The following SUSD6 variants were observed in gnomAD, a reference collection of about 807,000 sequenced individuals.
SUSD6 encodes sushi domain containing 6, also known as sushi domain-containing protein 6.
A neutral mutation model predicts 28.4 loss-of-function variants in SUSD6; 16 were observed. The ratio of observed to expected loss-of-function variants is 0.56; its 90% confidence interval spans 0.38 to 0.86. The LOEUF is 0.86. Among genes scored for constraint, SUSD6 ranks in the 40% least tolerant of loss-of-function variants. The probability of loss-of-function intolerance (pLI) is 0.00; values close to 1 mark genes in which losing one functional copy is unlikely to be tolerated. For synonymous variants in SUSD6, 147 were observed against 159.6 expected (o/e 0.92, Z 0.59); for missense variants, 341 against 384.2 (o/e 0.89, Z 0.94).
At chr14:69,621,543 C>T (rs756844979) in intron 1 of SUSD6, among the ~76,000 whole-genome samples, 6 of 152,154 alleles carry the variant, frequency 3.9e-5, no homozygotes, top group African/African-American at 1.2e-4. Flanking sequence ...GGCTGAAGAC[C>T]AGAAAGTCAT....
intron 2 of SUSD6, among the ~76,000 whole-genome samples, chr14:69,696,412 CACCTTTGTTCTCTGTATTG>C (rs1183897488): frequency 5.9e-5 from 9 of 152,340 alleles, no homozygotes; most frequent in Admixed American, 5.9e-4. Flanking sequence ...TACATTTAAA[CACCTTTGTTCTCTGTATTG>C]ACCTTGCTTT....
At chr14:69,617,699 C>T (rs959010381) in intron 1 of SUSD6, 13 of 152,228 alleles carry the variant, frequency 8.5e-5, no homozygotes, top group Non-Finnish European at 4.4e-5. Context: ...CCATGAACCC[C>T]CAAAGCCTTC....
chr14:69,713,861 A>C lies in SUSD6; in HGVS notation c.*2882A>C, dbSNP rs1355459867. On this transcript the variant is annotated 3_prime_UTR_variant, in exon 6 of 6. Coordinates refer to ENST00000342745, the MANE Select transcript of SUSD6 (RefSeq NM_014734.4). The stretch of plus-strand genomic sequence containing the variant: ...GTTTTTTTTTTTTTTTTTTTGGCAC[A>C]CTTGAGCTGACTCAGTGCAGGTTTA... 1.5e-5 allele frequency: 2 copies of C among 136,080 alleles called. No individual in the cohort carries two copies. The highest frequency in any genetic ancestry group is 2.1e-4 in the East Asian group (1 of 4,872). The allele number at this position is 136,080 out of a possible 1,614,324, so 8.4% of individuals were successfully genotyped here.
chr14:69,685,424 A>C (rs1886058959), intron 2 of SUSD6, among the ~76,000 whole-genome samples: 1 of 152,234 alleles, frequency 6.6e-6, no homozygotes, highest in Non-Finnish European at 1.5e-5. Context: ...AGTCTTTTCC[A>C]TCAACAAAGC....
Position 69,714,136 on chromosome 14 carries a change from A to G in SUSD6, c.*3157A>G, listed in dbSNP as rs2139651946. ...CAATGTACATTCTATAAATACAAGCACTCCATTTGCAAACAGATCTTAAGC... is the reference window on the plus strand; with the variant it reads ...CAATGTACATTCTATAAATACAAGCGCTCCATTTGCAAACAGATCTTAAGC... On this transcript the variant is annotated 3_prime_UTR_variant, in exon 6 of 6. Transcript: ENST00000342745. The G allele has an allele frequency of 6.6e-6, 1 of 151,756 alleles. No homozygotes were observed. The highest frequency in any genetic ancestry group is 1.9e-4 in the East Asian group (1 of 5,174). 9.4% of individuals were successfully genotyped at this position (151,756 alleles called of 1,614,324 possible).
intron 2 of SUSD6, among the ~76,000 whole-genome samples, chr14:69,694,889 G>A (rs1162364245): frequency 6.6e-6 from 1 of 152,150 alleles, no homozygotes; most frequent in Admixed American, 6.5e-5. Context: ...CTTAGGTTGA[G>A]CCTCTCTTAG....
intron 1 of SUSD6, among the ~76,000 whole-genome samples, chr14:69,618,509 A>G (rs1205715769): frequency 6.6e-6 from 1 of 152,264 alleles, no homozygotes; most frequent in Non-Finnish European, 1.5e-5. Flanking sequence ...TATGCAGGCT[A>G]CCTAATGATT....
intron 1 of SUSD6, among the ~76,000 whole-genome samples, chr14:69,619,911 G>A (rs968406597): frequency 6.6e-6 from 1 of 152,178 alleles, no homozygotes; most frequent in Non-Finnish European, 1.5e-5. Context: ...TGGGCTTATT[G>A]TATGTGGAAT....
At chr14:69,676,378 C>CTT (rs752145702) in intron 2 of SUSD6, among the ~76,000 whole-genome samples, 2 of 143,680 alleles carry the variant, frequency 1.4e-5, no homozygotes, top group African/African-American at 2.6e-5. Context: ...TGTGCTTTTT[C>CTT]TTTTTTTTTT....
intron 1 of SUSD6, among the ~76,000 whole-genome samples, chr14:69,643,102 C>T (rs1290853895): frequency 2.0e-5 from 3 of 152,100 alleles, no homozygotes; most frequent in Non-Finnish European, 4.4e-5. Flanking sequence ...GCGTTTTTTC[C>T]CCCATTTCTC....
intron 1 of SUSD6, among the ~76,000 whole-genome samples, chr14:69,627,924 C>T (rs544245124): frequency 1.5e-4 from 22 of 148,254 alleles, no homozygotes; most frequent in Non-Finnish European, 3.3e-4. Context: ...ATCCCTTGCT[C>T]TTACCCAAAG....
At chr14:69,649,406 A>C (rs560894031) in intron 1 of SUSD6, among the ~76,000 whole-genome samples, 41 of 152,366 alleles carry the variant, frequency 2.7e-4, no homozygotes, top group African/African-American at 9.9e-4. Flanking sequence ...ATGTGATGAC[A>C]CATGAGATAT....
At chr14:69,632,469 C>T (rs140822028) in intron 1 of SUSD6, among the ~76,000 whole-genome samples, 2,120 of 152,240 alleles carry the variant, frequency 0.014, 76 homozygotes, top group South Asian at 0.14. Context: ...TGTAATGCTT[C>T]CTTCCCCTTT....
At chr14:69,650,752 TTTG>T (rs138694940) in intron 1 of SUSD6, among the ~76,000 whole-genome samples, 166 of 152,032 alleles carry the variant, frequency 1.1e-3, no homozygotes, top group African/African-American at 2.2e-3. Context: ...GAGGCTGGGT[TTTG>T]TTGTTGTTGT....
chr14:69,682,753 C>T (rs977045614), intron 2 of SUSD6, among the ~76,000 whole-genome samples: 18 of 152,138 alleles, frequency 1.2e-4, no homozygotes, highest in Admixed American at 2.0e-4. Context: ...TGGGCAATAT[C>T]AGATGAAGTG....
intron 1 of SUSD6, among the ~76,000 whole-genome samples, chr14:69,625,106 G>A (rs1885095944): frequency 6.6e-6 from 1 of 152,198 alleles, no homozygotes; most frequent in South Asian, 2.1e-4. Flanking sequence ...TGACCCTTTT[G>A]TAGTGTTAAA....
chr14:69,637,918 A>G (rs761609582), intron 1 of SUSD6, among the ~76,000 whole-genome samples: 5 of 151,852 alleles, frequency 3.3e-5, no homozygotes, highest in South Asian at 2.1e-4. Context: ...CCCACGTTCT[A>G]TCTTCTTTTC....
intron 1 of SUSD6, among the ~76,000 whole-genome samples, chr14:69,641,830 C>T (rs1296242777): frequency 6.6e-6 from 1 of 151,988 alleles, no homozygotes; most frequent in South Asian, 2.1e-4. Flanking sequence ...GTCTCGAACT[C>T]CTGGAATCAA....
At chr14:69,704,886 A>G (rs1184855338) in intron 4 of SUSD6, 144 bp downstream of exon 4, 1 of 772,572 alleles carries the variant, frequency 1.3e-6, no homozygotes, top group South Asian at 1.7e-5. Context: ...GCCATGTGTC[A>G]AACTCCTAGA....
Sources: allele counts gnomAD v4.1 joint callset (sites outside exome capture counted in the v4.1 genomes callset), GRCh38; gene constraint gnomAD v4.1.1; transcripts MANE v1.5; gene names NCBI Gene and HGNC (gene_info 2026-07-23, HGNC 2026-07-21).